The following CDH18 variants were observed in gnomAD, a reference collection of about 807,000 sequenced individuals.
CDH18 encodes cadherin 18.
In CDH18, 31 loss-of-function variants were observed where a neutral mutation model predicts 67.9. That is an observed-to-expected ratio of 0.46 (90% confidence interval 0.34 to 0.62). The LOEUF (loss-of-function observed/expected upper bound fraction) is 0.62. Ranked by LOEUF, CDH18 falls within the 20% of genes least tolerant of loss-of-function variation. CDH18 has a pLI of 0.01. For missense variants in CDH18, 890 were observed against 975.5 expected, an observed-to-expected ratio of 0.91 and a Z score of 1.17; for synonymous variants, 362 against 347.2, an observed-to-expected ratio of 1.04 and a Z score of -0.48.
At chr5:19,542,085 T>C (rs554371215) in intron 9 of CDH18, among the ~76,000 whole-genome samples, 3 of 152,292 alleles carry the variant, frequency 2.0e-5, no homozygotes, top group African/African-American at 7.2e-5. Context: ...TACAGAGATA[T>C]TATGGTGAAA....
At chr5:20,048,372 G>A (rs1741092927) in intron 2 of CDH18, among the ~76,000 whole-genome samples, 1 of 151,256 alleles carries the variant, frequency 6.6e-6, no homozygotes, top group Admixed American at 6.6e-5. Flanking sequence ...AAAATATTTA[G>A]GAAGATAATA....
intron 5 of CDH18, among the ~76,000 whole-genome samples, chr5:19,646,449 C>A (rs1480729919): frequency 6.6e-6 from 1 of 152,102 alleles, no homozygotes; most frequent in Non-Finnish European, 1.5e-5. Flanking sequence ...AAGAGATTCT[C>A]CTGCCTCAGC....
intron 2 of CDH18, among the ~76,000 whole-genome samples, chr5:19,866,256 C>T (rs1371105151): frequency 1.3e-5 from 2 of 152,152 alleles, no homozygotes; most frequent in African/African-American, 4.8e-5. Flanking sequence ...GCATGAAGAA[C>T]ACATAATCAG....
intron 1 of CDH18, among the ~76,000 whole-genome samples, chr5:20,542,742 C>T (rs1048575202): frequency 6.6e-6 from 1 of 151,982 alleles, no homozygotes; most frequent in South Asian, 2.1e-4. Flanking sequence ...TATGACACCT[C>T]CAATATTATA....
At chr5:20,034,800 C>T (rs1739702132) in intron 2 of CDH18, among the ~76,000 whole-genome samples, 1 of 151,966 alleles carries the variant, frequency 6.6e-6, no homozygotes, top group Non-Finnish European at 1.5e-5. Flanking sequence ...CTCTTTCTCT[C>T]TTTCCATAGA....
At chr5:20,239,614 T>A (rs1220359386) in intron 2 of CDH18, among the ~76,000 whole-genome samples, 1 of 152,188 alleles carries the variant, frequency 6.6e-6, no homozygotes, top group African/African-American at 2.4e-5. Context: ...ATATACTACT[T>A]TGTGCTGATG....
In CDH18 at chr5:20,090,779, C is replaced by T. The variant is rs571097470; in HGVS notation, c.-517-98765G>A. On this transcript the variant is annotated intron_variant, in intron 2 of 14. Transcript: ENST00000507958. ...GTGCGGTGACTCACACCAGTAATCC[C>T]AACACTTTAGGAGGCCAAGGCGGCC... Among the ~76,000 whole-genome samples the T allele has an allele frequency of 1.4e-4, 21 of 151,836 alleles. No homozygotes were observed. The East Asian group carries it at 3.7e-3, about 27-fold the overall frequency.
At chr5:20,030,770 T>C (rs1334313842) in intron 2 of CDH18, among the ~76,000 whole-genome samples, 1 of 152,032 alleles carries the variant, frequency 6.6e-6, no homozygotes, top group Admixed American at 6.6e-5. Context: ...CCATGCAGAG[T>C]GTCCTACACT....
At chr5:20,077,657 T>C (rs1744068040) in intron 2 of CDH18, among the ~76,000 whole-genome samples, 1 of 152,150 alleles carries the variant, frequency 6.6e-6, no homozygotes, top group Non-Finnish European at 1.5e-5. Flanking sequence ...GAAGAAAAAA[T>C]AAGCAACATG....
intron 1 of CDH18, among the ~76,000 whole-genome samples, chr5:20,460,807 T>C (rs1480638861): frequency 6.6e-6 from 1 of 152,196 alleles, no homozygotes; most frequent in Non-Finnish European, 1.5e-5. Context: ...TTTTTTGATA[T>C]TTCAAAATAA....
chr5:19,494,310 C>T (rs552017512), intron 11 of CDH18, among the ~76,000 whole-genome samples: 1 of 152,184 alleles, frequency 6.6e-6, no homozygotes, highest in Non-Finnish European at 1.5e-5. Context: ...TTTATTGTTT[C>T]ATCTCTATGT....
At chr5:19,770,438 C>T (rs1387905948) in intron 3 of CDH18, among the ~76,000 whole-genome samples, 5 of 152,122 alleles carry the variant, frequency 3.3e-5, no homozygotes, top group Non-Finnish European at 7.4e-5. Context: ...TATCCCCACA[C>T]ATGTAACTAT....
At chr5:20,219,259 A>G (rs900505981) in intron 2 of CDH18, among the ~76,000 whole-genome samples, 1 of 151,978 alleles carries the variant, frequency 6.6e-6, no homozygotes, top group Non-Finnish European at 1.5e-5. Flanking sequence ...AGACTCATAC[A>G]ATCTACCAAA....
chr5:19,848,935 A>ATG (rs912853611), intron 2 of CDH18, among the ~76,000 whole-genome samples: 1 of 150,274 alleles, frequency 6.7e-6, no homozygotes, highest in Non-Finnish European at 1.5e-5. Flanking sequence ...TATTATATAT[A>ATG]TGTGTATATA....
chr5:19,746,821 G>C, intron 4 of CDH18, 121 bp downstream of exon 4: 1 of 781,332 alleles, frequency 1.3e-6, no homozygotes, highest in Admixed American at 2.9e-5. Context: ...AAAATATTTT[G>C]AAACTTCATA....
At chr5:20,336,580 G>A (rs368766068) in intron 1 of CDH18, among the ~76,000 whole-genome samples, 44 of 151,472 alleles carry the variant, frequency 2.9e-4, no homozygotes, top group African/African-American at 8.5e-4. Context: ...AAAATTAGCC[G>A]GCCGTGGTGG....
chr5:20,488,312 C>G (rs1753337435), intron 1 of CDH18, among the ~76,000 whole-genome samples: 3 of 152,058 alleles, frequency 2.0e-5, no homozygotes, highest in Admixed American at 1.3e-4. Context: ...GTTAAAAATG[C>G]TTTAAAAAGA....
intron 2 of CDH18, among the ~76,000 whole-genome samples, chr5:19,902,794 T>C (rs1046938197): frequency 2.6e-5 from 4 of 152,222 alleles, no homozygotes; most frequent in Admixed American, 6.5e-5. Context: ...TGTCATTTTA[T>C]ATTTCAGAAC....
chr5:19,502,910 GTGTA>G, intron 11 of CDH18, 78 bp downstream of exon 11: 1 of 831,314 alleles, frequency 1.2e-6, no homozygotes, highest in Non-Finnish European at 2.1e-6. Flanking sequence ...AGATGTTTGT[GTGTA>G]TATAAGAATA....
Sources: gnomAD v4.1 joint callset for allele counts (sites outside exome capture counted in the v4.1 genomes callset) on GRCh38, gnomAD v4.1.1 for gene constraint, MANE v1.5 for transcripts, NCBI Gene and HGNC (gene_info 2026-07-23, HGNC 2026-07-21) for gene names.